The following AFTPH variants were observed in gnomAD, a reference collection of about 807,000 sequenced individuals.
AFTPH encodes the protein aftiphilin protein.
A neutral mutation model predicts 72.5 loss-of-function variants in AFTPH; 7 were observed. The observed-to-expected ratio is 0.10, with a 90% CI of 0.05 to 0.18. The LOEUF (loss-of-function observed/expected upper bound fraction) is 0.18, where lower values mean the gene tolerates loss of function less well. AFTPH is among the 10% of genes least tolerant of loss of function. The pLI is 1.00. For synonymous variants in AFTPH, 337 were observed against 370.1 expected (o/e 0.91, Z 1.03); for missense variants, 979 against 1,060.5 (o/e 0.92, Z 1.07).
At position 64,592,040 on chromosome 2, in the gene AFTPH, T is replaced by C. The variant is rs1243124591; in HGVS notation, c.*5T>C. ...CAAGAAAAAGCAGACGGATAACTGA[T>C]GTGAATTGGACAGTTTCTATTGCTT... On this transcript the variant is annotated 3_prime_UTR_variant, in exon 9 of 9. Coordinates refer to ENST00000238856, the Ensembl canonical transcript of AFTPH. The C allele has an allele frequency of 1.9e-6, 3 of 1,612,814 alleles. No individual in the cohort carries two copies. The East Asian group carries it at 6.7e-5, about 36-fold the overall frequency.
At chr2:64,533,831 A>G (rs1418642405) in intron 1 of AFTPH, among the ~76,000 whole-genome samples, 1 of 152,222 alleles carries the variant, frequency 6.6e-6, no homozygotes, top group African/African-American at 2.4e-5. Flanking sequence ...AACAGATTCA[A>G]TTTTTATGTT....
intron 1 of AFTPH, among the ~76,000 whole-genome samples, chr2:64,532,097 C>T (rs932634013): frequency 3.3e-5 from 5 of 152,040 alleles, no homozygotes; most frequent in African/African-American, 1.2e-4. Context: ...TGTAGGAGGA[C>T]TTGAGGGAGG....
chr2:64,552,971 C>G (rs1321816211), exon 2 of AFTPH: 1 of 1,613,912 alleles, frequency 6.2e-7, no homozygotes, highest in African/African-American at 1.3e-5. Flanking sequence ...CAAAGTCAGA[C>G]CTAAAACAGA....
chr2:64,540,243 CA>C (rs1227212562), intron 1 of AFTPH, among the ~76,000 whole-genome samples: 1 of 151,556 alleles, frequency 6.6e-6, no homozygotes, highest in South Asian at 2.1e-4. Context: ...AGTTCTAGGG[CA>C]AAAAAAATGT....
chr2:64,591,768 A>AG, intron 8 of AFTPH, 120 bp from the exon 10 acceptor site: 1 of 1,046,480 alleles, frequency 9.6e-7, no homozygotes, highest in South Asian at 1.5e-5. Context: ...GAACTAGCAG[A>AG]GGAAAAAATA....
intron 1 of AFTPH, among the ~76,000 whole-genome samples, chr2:64,530,622 C>G (rs1266814351): frequency 6.6e-6 from 1 of 152,004 alleles, no homozygotes; most frequent in Non-Finnish European, 1.5e-5. Flanking sequence ...AAAAAGAAAA[C>G]TGTTAATATT....
intron 5 of AFTPH, among the ~76,000 whole-genome samples, chr2:64,569,933 T>TA (rs1483327821): frequency 2.0e-5 from 3 of 152,208 alleles, no homozygotes; most frequent in African/African-American, 7.2e-5. Context: ...TATATAACTG[T>TA]AAAATGCACC....
chr2:64,524,921 C>T (rs1042788564), intron 1 of AFTPH, among the ~76,000 whole-genome samples: 1 of 152,258 alleles, frequency 6.6e-6, no homozygotes, highest in Non-Finnish European at 1.5e-5. Flanking sequence ...CCCTTTGCTT[C>T]CACCTCCCAA....
chr2:64,576,054 A>G (rs927118477), intron 6 of AFTPH, among the ~76,000 whole-genome samples: 1 of 141,072 alleles, frequency 7.1e-6, no homozygotes, highest in Non-Finnish European at 1.5e-5. Flanking sequence ...AATATTTCTT[A>G]CCACTCTTCT....
rs370609217 is a variant in AFTPH at position 64,527,486 on chromosome 2, A to G, written c.-33+2874A>G. Among the ~76,000 whole-genome samples the G allele has an allele frequency of 3.6e-4, 54 of 152,068 alleles. 2 individuals carry two copies. In the South Asian group the frequency reaches 0.011, roughly 30 times the overall value. ...TCCCAGCTATTCGGGAGACTGAGGC[A>G]GGGGAATCGCTTGAACCCGGGAGGC... On this transcript the variant is annotated intron_variant, in intron 1 of 8. Transcript: ENST00000238856.
At chr2:64,534,499 C>A (rs1669784779) in intron 1 of AFTPH, among the ~76,000 whole-genome samples, 3 of 152,154 alleles carry the variant, frequency 2.0e-5, no homozygotes, top group Admixed American at 2.0e-4. Flanking sequence ...ACCACTTCCT[C>A]TTCTTTTCCA....
chr2:64,554,571 A>C (rs1487440600), intron 2 of AFTPH, among the ~76,000 whole-genome samples: 2 of 152,220 alleles, frequency 1.3e-5, no homozygotes, highest in Non-Finnish European at 2.9e-5. Flanking sequence ...GATAACTTTG[A>C]GACAGTAAGA....
chr2:64,564,006 A>G (rs916254903), intron 2 of AFTPH, among the ~76,000 whole-genome samples: 2 of 152,224 alleles, frequency 1.3e-5, no homozygotes, highest in African/African-American at 2.4e-5. Context: ...CCAACCACCA[A>G]TATCCAAAAT....
At chr2:64,538,177 A>G (rs1669991282) in intron 1 of AFTPH, among the ~76,000 whole-genome samples, 1 of 152,172 alleles carries the variant, frequency 6.6e-6, no homozygotes, top group Admixed American at 6.5e-5. Context: ...TCATAGGGGA[A>G]AAATGTGTGA....
intron 1 of AFTPH, among the ~76,000 whole-genome samples, chr2:64,546,972 C>T (rs538677754): frequency 1.6e-3 from 236 of 152,212 alleles, no homozygotes; most frequent in African/African-American, 5.5e-3. Context: ...TGGCGTGAAC[C>T]CGGGAGGCGG....
intron 1 of AFTPH, among the ~76,000 whole-genome samples, chr2:64,526,921 A>G (rs1243755331): frequency 6.6e-6 from 1 of 152,190 alleles, no homozygotes; most frequent in East Asian, 1.9e-4. Context: ...CACAGATACT[A>G]AGTAACTTGC....
At chr2:64,573,445 AAAG>A (rs1372228867) in intron 6 of AFTPH, among the ~76,000 whole-genome samples, 1 of 151,446 alleles carries the variant, frequency 6.6e-6, no homozygotes, top group South Asian at 2.1e-4. Flanking sequence ...AAAAAAAAAA[AAAG>A]AAAAGAAAAA....
chr2:64,550,178 A>G (rs1029066505), intron 1 of AFTPH, among the ~76,000 whole-genome samples: 1 of 152,180 alleles, frequency 6.6e-6, no homozygotes, highest in African/African-American at 2.4e-5. Context: ...CACATATCCT[A>G]TATGGAGTGA....
chr2:64,581,512 A>AATGTCCTTAGACATTAAC, intron 7 of AFTPH, among the ~76,000 whole-genome samples: 1 of 152,268 alleles, frequency 6.6e-6, no homozygotes, highest in Non-Finnish European at 1.5e-5. Context: ...AAACATCCCT[A>AATGTCCTTAGACATTAAC]ATGTCCTTAG....
Sources: gnomAD v4.1 joint callset for allele counts (sites outside exome capture counted in the v4.1 genomes callset) on GRCh38, gnomAD v4.1.1 for gene constraint, MANE v1.5 for transcripts, NCBI Gene and HGNC (gene_info 2026-07-23, HGNC 2026-07-21) for gene names.